Variants in RBFOX1 observed in about 807,000 individuals in gnomAD.
RBFOX1 encodes the protein RNA binding protein fox-1 homolog 1.
A neutral mutation model predicts 57.7 loss-of-function variants in RBFOX1; 8 were observed. The observed-to-expected ratio is 0.14, with a 90% CI of 0.08 to 0.25. RBFOX1 has a LOEUF of 0.25. RBFOX1 is among the 10% of genes least tolerant of loss of function. RBFOX1 has a pLI of 1.00. For missense variants in RBFOX1, 611 were observed against 548.5 expected, an observed-to-expected ratio of 1.11 and a Z score of -1.14; for synonymous variants, 326 against 222.4, an observed-to-expected ratio of 1.47 and a Z score of -4.15.
At chr16:6,803,976 T>C (rs1319970618) in intron 3 of RBFOX1, among the ~76,000 whole-genome samples, 1 of 152,098 alleles carries the variant, frequency 6.6e-6, no homozygotes, top group Non-Finnish European at 1.5e-5. Context: ...TTATAACATA[T>C]GAAGCTAAAC....
chr16:5,438,957 G>C (rs1438390657), intron 1 of RBFOX1, among the ~76,000 whole-genome samples: 1 of 149,746 alleles, frequency 6.7e-6, no homozygotes, highest in Non-Finnish European at 1.5e-5. Flanking sequence ...GTGGTAAGGA[G>C]GTAACAAGTT....
intron 3 of RBFOX1, among the ~76,000 whole-genome samples, chr16:6,880,424 G>C (rs926885403): frequency 6.6e-6 from 1 of 152,158 alleles, no homozygotes; most frequent in Non-Finnish European, 1.5e-5. Context: ...TGTGACCCAG[G>C]TGCAGCCAAT....
intron 4 of RBFOX1, among the ~76,000 whole-genome samples, chr16:5,999,867 CAAAAA>C (rs869221577): frequency 1.8e-4 from 5 of 27,674 alleles, no homozygotes; most frequent in East Asian, 8.4e-4. Flanking sequence ...GACTCCACCT[CAAAAA>C]AAAAAAAAAA....
rs2096564029 is a variant in RBFOX1 at position 6,123,120 on chromosome 16, T to C, written c.-127+103128T>C. Among the ~76,000 whole-genome samples, 5 of 152,274 alleles carry C rather than the reference T, an allele frequency of 3.3e-5. No homozygotes were observed. The South Asian group carries it at 1.0e-3, about 32-fold the overall frequency. On this transcript the variant is annotated intron_variant, in intron 1 of 15. Coordinates refer to ENST00000550418, the MANE Select transcript of RBFOX1 (RefSeq NM_018723.4). ...ATCCCTCAAAAGGCTACACCTAAAA[T>C]TGCCTTATGATGCAGCATTTCCATT...
chr16:6,931,215 C>G (rs13336550), intron 3 of RBFOX1, among the ~76,000 whole-genome samples: 2,732 of 151,040 alleles, frequency 0.018, 75 homozygotes, highest in African/African-American at 0.063. Flanking sequence ...AACCTCTTCT[C>G]TCTACTGATG....
chr16:7,703,815 T>C (rs1402693457), intron 14 of RBFOX1, among the ~76,000 whole-genome samples: 1 of 152,218 alleles, frequency 6.6e-6, no homozygotes, highest in Non-Finnish European at 1.5e-5. Context: ...TTGAACTACA[T>C]CTGTAACTCA....
At chr16:7,296,665 T>C (rs1412772203) in intron 4 of RBFOX1, among the ~76,000 whole-genome samples, 1 of 152,218 alleles carries the variant, frequency 6.6e-6, no homozygotes, top group Non-Finnish European at 1.5e-5. Flanking sequence ...TGGCTGCTTT[T>C]GCTGCAATGA....
chr16:7,420,625 G>C lies in RBFOX1; in HGVS notation c.28-97522G>C, dbSNP rs541079208. On this transcript the variant is annotated intron_variant, in intron 4 of 15. Coordinates refer to ENST00000550418, the MANE Select transcript of RBFOX1 (RefSeq NM_018723.4). ...CTTTCTGATGATTTTTTTTCCTTCT[G>C]ACTTAGTGAAATTTGTTTTTCATGC... is the stretch of plus-strand genomic sequence containing the variant. 8.7e-5 allele frequency among the ~76,000 whole-genome samples: 13 copies of C among 149,430 alleles called. No individual in the cohort carries two copies. In the South Asian group the frequency reaches 2.8e-3, roughly 32 times the overall value.
intron 4 of RBFOX1, among the ~76,000 whole-genome samples, chr16:7,178,593 A>G (rs2082111711): frequency 6.6e-6 from 1 of 152,222 alleles, no homozygotes; most frequent in Non-Finnish European, 1.5e-5. Context: ...CATCACCAGA[A>G]TTTAACCAGT....
intron 4 of RBFOX1, among the ~76,000 whole-genome samples, chr16:7,216,418 G>A (rs1188439705): frequency 6.6e-6 from 1 of 152,174 alleles, no homozygotes; most frequent in Non-Finnish European, 1.5e-5. Context: ...ACTTTGGGAG[G>A]CTGAGGGAGG....
rs570144751 is a variant in RBFOX1, at chr16:7,459,963, C to G, written c.28-58184C>G. 7.9e-5 allele frequency among the ~76,000 whole-genome samples: 12 copies of G among 151,806 alleles called. No individual in the cohort carries two copies. In the South Asian group the frequency reaches 2.5e-3, roughly 32 times the overall value. ...TTTATTGGTTGGATACTTTTAGCAA[C>G]AAGTAATTGAAAATGGAAATAAAAT... On this transcript the variant is annotated intron_variant, in intron 4 of 15. Coordinates refer to ENST00000550418, the MANE Select transcript of RBFOX1 (RefSeq NM_018723.4).
chr16:6,140,736 C>G (rs938065649), intron 1 of RBFOX1, among the ~76,000 whole-genome samples: 1 of 152,200 alleles, frequency 6.6e-6, no homozygotes, highest in African/African-American at 2.4e-5. Flanking sequence ...ATCTTCCCTT[C>G]TGGCCCAGGA....
At chr16:7,530,713 T>A (rs551424323) in intron 5 of RBFOX1, among the ~76,000 whole-genome samples, 2 of 152,200 alleles carry the variant, frequency 1.3e-5, no homozygotes, top group East Asian at 3.9e-4. Flanking sequence ...TGTCAAATTA[T>A]AGCATTTGAT....
intron 3 of RBFOX1, among the ~76,000 whole-genome samples, chr16:5,714,916 T>G (rs1424440593): frequency 6.6e-6 from 1 of 152,182 alleles, no homozygotes; most frequent in Non-Finnish European, 1.5e-5. Context: ...GAGGCAAGCA[T>G]AGAGTTGATG....
Position 6,489,570 on chromosome 16 carries a change from G to C in RBFOX1, c.-63-165033G>C, listed in dbSNP as rs1396726391. Reference sequence around the variant, plus strand: ...CCTAGCCATTTTCTCATGTACTTTAGTAATTTGAGCTTCTAAATGTACAGA... The same window carrying C: ...CCTAGCCATTTTCTCATGTACTTTACTAATTTGAGCTTCTAAATGTACAGA... On this transcript the variant is annotated intron_variant, in intron 2 of 15. Transcript: ENST00000550418. Among the ~76,000 whole-genome samples, 3 of 152,232 alleles carry C rather than the reference G, an allele frequency of 2.0e-5. No homozygotes were observed. In the East Asian group the frequency reaches 5.8e-4, roughly 29 times the overall value.
intron 4 of RBFOX1, among the ~76,000 whole-genome samples, chr16:7,352,356 A>C (rs1284934206): frequency 1.3e-5 from 2 of 152,146 alleles, no homozygotes; most frequent in African/African-American, 2.4e-5. Context: ...GAGAGAACTG[A>C]AGCTATATAT....
intron 4 of RBFOX1, 129 bp from the exon 5 acceptor site, chr16:7,518,018 G>A (rs2076745085): frequency 1.1e-5 from 13 of 1,164,820 alleles, no homozygotes; most frequent in Admixed American, 4.9e-5. Flanking sequence ...GTCCATCTCA[G>A]GCTGGTGGCA....
At position 5,529,571 on chromosome 16, in the gene RBFOX1, A is replaced by ATTT. The variant is rs56190045; in HGVS notation, c.258+62327_258+62329dup. Among the ~76,000 whole-genome samples the ATTT allele has an allele frequency of 2.2e-3, 319 of 143,562 alleles. 4 individuals carry two copies. The East Asian group carries it at 0.023, about 10-fold the overall frequency. 94.2% of individuals were successfully genotyped at this position (143,562 alleles called of 152,430 possible). A position where few individuals can be genotyped will look rare whatever the true frequency, so the allele number is the denominator to read the frequency against. ...ACCACCATGCTTGGCTCATTTATGT[A>ATTT]TTTTTTTTTTTTGAGATGGAGTTTT... On this transcript the variant is annotated intron_variant, in intron 2 of 2. Coordinates refer to the RBFOX1 transcript ENST00000585867.
intron 4 of RBFOX1, among the ~76,000 whole-genome samples, chr16:7,169,061 G>T (rs2080151106): frequency 6.6e-6 from 1 of 152,182 alleles, no homozygotes; most frequent in South Asian, 2.1e-4. Flanking sequence ...AGTGTAGTTT[G>T]CATGTGGAGG....
Sources: allele counts gnomAD v4.1 joint callset (sites outside exome capture counted in the v4.1 genomes callset), GRCh38; gene constraint gnomAD v4.1.1; transcripts MANE v1.5; gene names NCBI Gene and HGNC (gene_info 2026-07-23, HGNC 2026-07-21).